Variants in MVB12B observed in about 807,000 individuals in gnomAD.
MVB12B encodes the protein multivesicular body subunit 12B, also known as ESCRT-I complex subunit MVB12B.
MVB12B carries 16 observed loss-of-function variants against 41.6 expected under a neutral mutation model. The ratio of observed to expected loss-of-function variants is 0.38; its 90% CI spans 0.26 to 0.58. The LOEUF is 0.58. MVB12B is among the 20% of genes least tolerant of loss of function. The pLI is 0.62. For synonymous variants in MVB12B, 133 were observed against 139.7 expected (o/e 0.95, Z 0.34); for missense variants, 274 against 380.2 (o/e 0.72, Z 2.32).
At chr9:126,371,767 T>A (rs1157239502) in intron 2 of MVB12B, among the ~76,000 whole-genome samples, 2 of 152,238 alleles carry the variant, frequency 1.3e-5, no homozygotes, top group Non-Finnish European at 2.9e-5. Flanking sequence ...GTGAATAAGA[T>A]AAGATCTTTA....
At chr9:126,399,554 C>T (rs1181269581) in intron 6 of MVB12B, among the ~76,000 whole-genome samples, 1 of 152,220 alleles carries the variant, frequency 6.6e-6, no homozygotes, top group African/African-American at 2.4e-5. Flanking sequence ...AGAGCAGCCC[C>T]TCCACCGTCT....
chr9:126,402,770 A>G (rs1831302078), intron 6 of MVB12B, among the ~76,000 whole-genome samples: 1 of 152,266 alleles, frequency 6.6e-6, no homozygotes, highest in African/African-American at 2.4e-5. Flanking sequence ...TGGAAAAATT[A>G]GATTTCCTCT....
intron 2 of MVB12B, among the ~76,000 whole-genome samples, chr9:126,369,951 C>T (rs1051668358): frequency 6.6e-6 from 1 of 152,150 alleles, no homozygotes; most frequent in Non-Finnish European, 1.5e-5. Context: ...CCATGCCCAG[C>T]CAGCATGTTT....
intron 2 of MVB12B, among the ~76,000 whole-genome samples, chr9:126,345,708 C>T (rs1372802782): frequency 6.6e-6 from 1 of 152,240 alleles, no homozygotes; most frequent in East Asian, 1.9e-4. Context: ...ATCCTTTCTC[C>T]AGAACCATTG....
rs913770100 is a variant in MVB12B, at chr9:126,468,777, C to T, written c.758-12592C>T. Among the ~76,000 whole-genome samples the T allele has an allele frequency of 2.6e-5, 4 of 152,232 alleles. No homozygotes were observed. The highest frequency in any genetic ancestry group is 7.2e-5 in the African/African-American group (3 of 41,456). On this transcript the variant is annotated intron_variant, in intron 7 of 9. Transcript: ENST00000361171. The surrounding 1 kb of genome is among the most constrained non-coding windows in gnomAD (Gnocchi z 4.3). Reference sequence around the variant, plus strand: ...CCCATCTCTCTCTCCAGCTCAAAGACCCTTTGGTGGCTCCCCAGGGACCTC... The same window carrying T: ...CCCATCTCTCTCTCCAGCTCAAAGATCCTTTGGTGGCTCCCCAGGGACCTC...
At chr9:126,421,998 G>C (rs543205812) in intron 7 of MVB12B, 50 bp downstream of exon 7, 11 of 1,316,296 alleles carry the variant, frequency 8.4e-6, no homozygotes, top group Non-Finnish European at 1.2e-5. Flanking sequence ...TGTCCCGGGC[G>C]CCACCTCCTT....
chr9:126,423,799 G>A (rs577706456), intron 7 of MVB12B, among the ~76,000 whole-genome samples: 1 of 152,338 alleles, frequency 6.6e-6, no homozygotes, highest in East Asian at 1.9e-4. Context: ...GGCTAGAAGG[G>A]AGCAGAGACC....
At chr9:126,383,677 A>G (rs1008527758) in intron 3 of MVB12B, among the ~76,000 whole-genome samples, 1 of 151,998 alleles carries the variant, frequency 6.6e-6, no homozygotes, top group African/African-American at 2.4e-5. Flanking sequence ...ATGAGGAGGA[A>G]ATGAAAGAGA....
rs570032214 is a variant in MVB12B at position 126,454,720 on chromosome 9, A to G, written c.758-26649A>G. ...CTTTTTCATTTTACTTTTGTTAAGC[A>G]CTGCATAATGTGCATGCCACGTAAT... is the stretch of plus-strand genomic sequence containing the variant. On this transcript the variant is annotated intron_variant, in intron 7 of 9. Coordinates refer to ENST00000361171, the MANE Select transcript of MVB12B (RefSeq NM_033446.3). Among the ~76,000 whole-genome samples, 3 of 152,148 alleles carry G rather than the reference A, an allele frequency of 2.0e-5. No individual in the cohort carries two copies. In the South Asian group the frequency reaches 6.2e-4, roughly 32 times the overall value.
At chr9:126,444,797 T>G (rs1240846281) in intron 7 of MVB12B, among the ~76,000 whole-genome samples, 1 of 152,208 alleles carries the variant, frequency 6.6e-6, no homozygotes, top group Non-Finnish European at 1.5e-5. Flanking sequence ...TTTTTCCAAA[T>G]TATTTATTAT....
At chr9:126,377,986 A>G (rs908702547) in intron 2 of MVB12B, among the ~76,000 whole-genome samples, 7 of 152,232 alleles carry the variant, frequency 4.6e-5, no homozygotes, top group Non-Finnish European at 8.8e-5. Flanking sequence ...CCCGGCAGTG[A>G]TGCCCGCAGG....
At chr9:126,413,355 G>T (rs1366640875) in intron 6 of MVB12B, among the ~76,000 whole-genome samples, 2 of 152,072 alleles carry the variant, frequency 1.3e-5, no homozygotes, top group Non-Finnish European at 2.9e-5. Flanking sequence ...GAGTAGGGGG[G>T]GTCTCAGCAA....
At chr9:126,489,733 A>G (rs1404006581) in intron 9 of MVB12B, among the ~76,000 whole-genome samples, 1 of 151,840 alleles carries the variant, frequency 6.6e-6, no homozygotes, top group Non-Finnish European at 1.5e-5. Context: ...TGCTCCTGCC[A>G]CCTCCGTCAC....
chr9:126,410,234 A>G (rs1464325753), intron 6 of MVB12B, among the ~76,000 whole-genome samples: 2 of 152,132 alleles, frequency 1.3e-5, no homozygotes, highest in Admixed American at 6.5e-5. Context: ...AACCCATTCT[A>G]CAGTCAGCCT....
intron 9 of MVB12B, among the ~76,000 whole-genome samples, chr9:126,492,867 A>G (rs1263123215): frequency 1.3e-5 from 2 of 151,472 alleles, no homozygotes; most frequent in Admixed American, 1.3e-4. Context: ...CAATTTGGCC[A>G]CTCTTCAAGT....
rs536048874 is a variant in MVB12B at position 126,496,210 on chromosome 9, C to A, written c.874-6967C>A. Reference sequence around the variant, plus strand: ...CCACCCACCCACCCACCTACCCACCCGTCCATCCACCCACCCATCCATACA... The same window carrying A: ...CCACCCACCCACCCACCTACCCACCAGTCCATCCACCCACCCATCCATACA... On this transcript the variant is annotated intron_variant, in intron 9 of 9. Coordinates refer to ENST00000361171, the MANE Select transcript of MVB12B (RefSeq NM_033446.3). 4.1e-5 allele frequency among the ~76,000 whole-genome samples: 6 copies of A among 144,724 alleles called. No homozygotes were observed. The East Asian group carries it at 1.2e-3, about 30-fold the overall frequency. 94.9% of individuals were successfully genotyped at this position (144,724 alleles called of 152,430 possible). A position where few individuals can be genotyped will look rare whatever the true frequency, so the allele number is the denominator to read the frequency against.
Position 126,395,495 on chromosome 9 carries a change from A to G in MVB12B, c.540-80A>G. On this transcript the variant is annotated intron_variant, in intron 5 of 9. Coordinates refer to ENST00000361171, the MANE Select transcript of MVB12B (RefSeq NM_033446.3). This position sits in a 1 kb window ranked among gnomAD's most constrained non-coding sequence, Gnocchi z 4.9. ...TGGTGTTTGAGGCCATGACTCTTTT[A>G]AATGAATTGGTTTGCTTTGTCACTC... 2.0e-6 allele frequency: 3 copies of G among 1,537,816 alleles called. No homozygotes were observed. Among genetic ancestry groups the G allele is most frequent in the Non-Finnish European group, 2.7e-6 (3 of 1,126,470 alleles).
intron 6 of MVB12B, among the ~76,000 whole-genome samples, chr9:126,415,442 A>G (rs1179358098): frequency 6.6e-6 from 1 of 152,174 alleles, no homozygotes; most frequent in Non-Finnish European, 1.5e-5. Flanking sequence ...TGGTACCACA[A>G]TTTTTTAACC....
At chr9:126,423,663 T>C (rs1378657798) in intron 7 of MVB12B, among the ~76,000 whole-genome samples, 2 of 152,286 alleles carry the variant, frequency 1.3e-5, no homozygotes, top group East Asian at 3.9e-4. Flanking sequence ...TTTGTTGTGT[T>C]GCTGCCAGAA....
Sources: gnomAD v4.1 joint callset for allele counts (sites outside exome capture counted in the v4.1 genomes callset) on GRCh38, gnomAD v4.1.1 for gene constraint, Gnocchi (gnomAD v3.1) non-coding constraint, MANE v1.5 for transcripts, NCBI Gene and HGNC (gene_info 2026-07-23, HGNC 2026-07-21) for gene names.